Variants in BBS4 observed in about 807,000 individuals in gnomAD.
BBS4 encodes the protein BBSome complex member BBS4.
Under a neutral mutation model 71.4 loss-of-function variants are expected in BBS4, and 58 were observed. The ratio of observed to expected loss-of-function variants is 0.81; its 90% CI spans 0.66 to 1.01. BBS4 has a LOEUF of 1.01. BBS4 is among the 50% of genes least tolerant of loss of function. The probability of loss-of-function intolerance (pLI) is 0.00; values close to 1 mark genes in which losing one functional copy is unlikely to be tolerated. For synonymous variants in BBS4, 228 were observed against 216.8 expected (o/e 1.05, Z -0.46); for missense variants, 660 against 607.9 (o/e 1.09, Z -0.90).
rs1419924139 is a variant in BBS4 at position 72,735,967 on chromosome 15, G to T, written c.1248+1G>T. ...TAGCTCTCTGGAATTTGACTCTGAG[G>T]TATGTCTTTTATTAGCTCCCAAGAG... On this transcript the variant is annotated splice_donor_variant, in intron 14 of 15. Coordinates refer to ENST00000268057, the MANE Select transcript of BBS4 (RefSeq NM_033028.5). LOFTEE classifies it high-confidence loss of function. 1 of 1,613,924 alleles carries T rather than the reference G, an allele frequency of 6.2e-7. No individual in the cohort carries two copies. The highest frequency in any genetic ancestry group is 1.1e-5 in the South Asian group (1 of 91,078).
intron 1 of BBS4, among the ~76,000 whole-genome samples, chr15:72,687,752 A>T (rs1212120591): frequency 6.6e-6 from 1 of 151,996 alleles, no homozygotes; most frequent in African/African-American, 2.4e-5. Context: ...ACGTAGTGAA[A>T]CCCTGTCCCT....
At chr15:72,695,337 G>T (rs2065057651) in intron 2 of BBS4, 109 bp downstream of exon 2, 3 of 713,134 alleles carry the variant, frequency 4.2e-6, no homozygotes, top group Non-Finnish European at 4.6e-6. Context: ...ACCCAGGCTG[G>T]AGTGCAGTAG....
At chr15:72,692,614 T>G (rs2065007194) in intron 1 of BBS4, among the ~76,000 whole-genome samples, 1 of 112,624 alleles carries the variant, frequency 8.9e-6, no homozygotes, top group African/African-American at 3.5e-5. Flanking sequence ...CACCTGGCTG[T>G]TTGTTTGTTT....
chr15:72,717,094 G>T, intron 6 of BBS4: 1 of 520,358 alleles, frequency 1.9e-6, no homozygotes, highest in Non-Finnish European at 3.4e-6. Context: ...GATTCTTGTT[G>T]ATGACCCCTA....
chr15:72,695,057 GA>G (rs1299302974), intron 1 of BBS4, 119 bp from the exon 2 acceptor site: 1 of 712,150 alleles, frequency 1.4e-6, no homozygotes, highest in Non-Finnish European at 2.5e-6. Context: ...TCACAATATG[GA>G]TTTAATGGAT....
Position 72,715,187 on chromosome 15 carries a change from T to C in BBS4, c.221-104T>C, listed in dbSNP as rs577898691. 17 of 778,764 alleles carry C rather than the reference T, an allele frequency of 2.2e-5. No individual in the cohort carries two copies. In the East Asian group the frequency reaches 4.1e-4, roughly 19 times the overall value. The allele number at this position is 778,764 out of a possible 1,614,324, so 48.2% of individuals were successfully genotyped here. A position where few individuals can be genotyped will look rare whatever the true frequency, so the allele number is the denominator to read the frequency against. ...GATACAGTTGTCCAAAGGATTTACT[T>C]GATGTGGTTTCCCAGTTTTCTCTTC... On this transcript the variant is annotated intron_variant, in intron 4 of 15. Coordinates refer to ENST00000268057, the MANE Select transcript of BBS4 (RefSeq NM_033028.5).
chr15:72,727,862 C>T (rs2065732168), intron 8 of BBS4, 78 bp from the exon 9 acceptor site: 19 of 1,095,306 alleles, frequency 1.7e-5, no homozygotes, highest in Admixed American at 5.1e-5. Flanking sequence ...AAGTATTGCA[C>T]GAGGGCATAT....
Position 72,710,957 on chromosome 15 carries a change from A to AT in BBS4, c.156+1195dup, listed in dbSNP as rs1019864390. On this transcript the variant is annotated intron_variant, in intron 3 of 15. Coordinates refer to ENST00000268057, the MANE Select transcript of BBS4 (RefSeq NM_033028.5). Reference sequence around the variant, plus strand: ...AGGTGCCCGCCACCATGCCCAGCTAATTTTTTTTTTTTTTTTTGTATTTCT... The same window carrying AT: ...AGGTGCCCGCCACCATGCCCAGCTAATTTTTTTTTTTTTTTTTTGTATTTCT... Among the ~76,000 whole-genome samples, 964 of 137,908 alleles carry AT rather than the reference A, an allele frequency of 7.0e-3. 5 individuals are homozygous for AT. The highest frequency in any genetic ancestry group is 0.016 in the African/African-American group (588 of 37,560). 90.5% of individuals were successfully genotyped at this position (137,908 alleles called of 152,430 possible).
chr15:72,717,767 C>A (rs1441060342), intron 6 of BBS4, among the ~76,000 whole-genome samples: 1 of 152,168 alleles, frequency 6.6e-6, no homozygotes, highest in Non-Finnish European at 1.5e-5. Context: ...ACACTGTTTT[C>A]CATTCTCTAT....
In BBS4 at chr15:72,736,952, C is replaced by CG. The variant is rs780269741; in HGVS notation, c.1440dup (p.Leu481AlafsTer31). The CG allele has an allele frequency of 6.2e-6, 10 of 1,613,984 alleles. No individual in the cohort carries two copies. The African/African-American group carries it at 1.2e-4, about 19-fold the overall frequency. The stretch of plus-strand genomic sequence containing the variant: ...ATGTCTTCAGCAGCTGCATACAGGA[C>CG]GCTCCCCTCAGGTAGGACCATACAG... On this transcript the variant is annotated frameshift_variant, in exon 15 of 16. Transcript: ENST00000268057. LOFTEE classifies it high-confidence loss of function.
At chr15:72,711,439 G>A (rs999062200) in intron 3 of BBS4, among the ~76,000 whole-genome samples, 2 of 152,082 alleles carry the variant, frequency 1.3e-5, no homozygotes, top group East Asian at 1.9e-4. Context: ...GTGAGCCACC[G>A]CGCCTGGCCA....
chr15:72,718,454 T>C (rs2065506204), intron 6 of BBS4, among the ~76,000 whole-genome samples: 2 of 152,208 alleles, frequency 1.3e-5, no homozygotes, highest in African/African-American at 2.4e-5. Context: ...TTCATATCTG[T>C]GAGTGAAGAA....
Position 72,735,918 on chromosome 15 carries a change from G to T in BBS4, c.1200G>T (p.Lys400Asn). ...NALAQYQEME[K>N]KVSLLKDNSS... is the part of the protein sequence containing the mutation. ...TGGCCCAATATCAGGAGATGGAGAA[G>T]AAAGTCAGCCTACTCAAGGACAATA... The change falls in exon 14 of 16, where the codon AAG (lysine) becomes AAT (asparagine). Residue 400 changes from lysine (K) to asparagine (N), a missense_variant. Lys to Asn is a moderately conservative substitution (Grantham distance 94). Coordinates refer to ENST00000268057, the MANE Select transcript of BBS4 (RefSeq NM_033028.5). 3 of 1,614,124 alleles carry T rather than the reference G, an allele frequency of 1.9e-6. No homozygotes were observed. The highest frequency in any genetic ancestry group is 2.5e-6 in the Non-Finnish European group (3 of 1,180,008).
Position 72,722,980 on chromosome 15 carries a change from T to C in BBS4, c.459+133T>C. ...TGAAAATTGAAAGTACCTTTATACA[T>C]TTTTTTCTGTTTTAATTCTCACTTG... On this transcript the variant is annotated intron_variant, in intron 7 of 15. Transcript: ENST00000268057. 8 of 722,600 alleles carry C rather than the reference T, an allele frequency of 1.1e-5. No individual in the cohort carries two copies. In the South Asian group the frequency reaches 1.3e-4, roughly 11 times the overall value. 44.8% of individuals were successfully genotyped at this position (722,600 alleles called of 1,614,324 possible). A position where few individuals can be genotyped will look rare whatever the true frequency, so the allele number is the denominator to read the frequency against.
intron 14 of BBS4, among the ~76,000 whole-genome samples, chr15:72,736,552 T>C (rs910897169): frequency 6.6e-6 from 1 of 152,138 alleles, no homozygotes; most frequent in African/African-American, 2.4e-5. Flanking sequence ...CAGGCTTGAA[T>C]TGTTGGGTTT....
At chr15:72,725,444 A>G (rs763025795) in intron 8 of BBS4, among the ~76,000 whole-genome samples, 1 of 152,130 alleles carries the variant, frequency 6.6e-6, no homozygotes, top group Non-Finnish European at 1.5e-5. Context: ...AAACTACATG[A>G]TAGTTACAAG....
intron 2 of BBS4, among the ~76,000 whole-genome samples, chr15:72,702,255 T>C (rs564886104): frequency 1.3e-5 from 2 of 152,346 alleles, no homozygotes; most frequent in Admixed American, 1.3e-4. Context: ...CTTGGTTTAA[T>C]GTGTCACCTT....
chr15:72,705,828 G>A (rs796458638), intron 2 of BBS4, among the ~76,000 whole-genome samples: 11 of 151,962 alleles, frequency 7.2e-5, no homozygotes, highest in African/African-American at 1.4e-4. Context: ...CAAGTGATCC[G>A]TCCACCTGGG....
At chr15:72,686,516 A>G (rs767761663) in intron 1 of BBS4, 2 of 1,509,214 alleles carry the variant, frequency 1.3e-6, no homozygotes, top group South Asian at 2.4e-5. Context: ...TTTCACCAGT[A>G]ATGGCTCTTA....
Sources: allele counts gnomAD v4.1 joint callset (sites outside exome capture counted in the v4.1 genomes callset), GRCh38; gene constraint gnomAD v4.1.1; transcripts MANE v1.5; gene names NCBI Gene and HGNC (gene_info 2026-07-23, HGNC 2026-07-21).